The following PCDHA5 variants were observed in gnomAD, a reference collection of about 807,000 sequenced individuals.
PCDHA5 encodes protocadherin alpha-5.
Under a neutral mutation model 61.6 loss-of-function variants are expected in PCDHA5, and 43 were observed. That is an observed-to-expected ratio of 0.70 (90% CI 0.55 to 0.90). The LOEUF (loss-of-function observed/expected upper bound fraction) is 0.90. Ranked by LOEUF, PCDHA5 falls within the 40% of genes least tolerant of loss-of-function variation. The pLI, the probability that PCDHA5 is intolerant of heterozygous loss-of-function variation, is 0.00. For missense variants in PCDHA5, 1,298 were observed against 1,222.7 expected, an observed-to-expected ratio of 1.06 and a Z score of -0.92; for synonymous variants, 627 against 543.9, an observed-to-expected ratio of 1.15 and a Z score of -2.13.
chr5:140,881,335 C>T (rs2153378731), intron 1 of PCDHA5: 2 of 984,916 alleles, frequency 2.0e-6, no homozygotes, highest in South Asian at 4.7e-5. Context: ...ACCAGGACGC[C>T]GATTCGGGCT....
At chr5:140,878,575 C>T (rs1339417321) in intron 1 of PCDHA5, among the ~76,000 whole-genome samples, 1 of 152,222 alleles carries the variant, frequency 6.6e-6, no homozygotes, top group African/African-American at 2.4e-5. Context: ...TAGTATACCA[C>T]TGCCCTGTGC....
intron 1 of PCDHA5, chr5:140,870,674 A>G (rs893862947): frequency 7.4e-6 from 12 of 1,612,566 alleles, no homozygotes; most frequent in Admixed American, 6.7e-5. Flanking sequence ...CCGTTGGACC[A>G]CGAGGAGCTG....
intron 1 of PCDHA5, among the ~76,000 whole-genome samples, chr5:140,888,097 G>T (rs536916138): frequency 3.3e-4 from 50 of 152,066 alleles, no homozygotes; most frequent in African/African-American, 1.2e-3. Context: ...TCCTTAGTTT[G>T]CTTCTTTTAA....
intron 1 of PCDHA5, among the ~76,000 whole-genome samples, chr5:140,915,973 T>G (rs1472373994): frequency 3.9e-5 from 6 of 152,150 alleles, no homozygotes; most frequent in African/African-American, 1.4e-4. Context: ...TGATATTTTA[T>G]TTGACTACGG....
rs186780543 is a variant in PCDHA5, at chr5:140,848,623, C to T, written c.2352+24496C>T. On this transcript the variant is annotated intron_variant, in intron 1 of 3. Transcript: ENST00000529859. The stretch of plus-strand genomic sequence containing the variant: ...GTCCCGGAGGAAGCCGAACACGGCA[C>T]CTTCGTGGGCCGCATCGCGCAGGAC... The T allele has an allele frequency of 1.0e-5, 16 of 1,592,746 alleles. 2 individuals carry two copies. The Admixed American group carries it at 1.5e-4, about 15-fold the overall frequency.
intron 1 of PCDHA5, among the ~76,000 whole-genome samples, chr5:140,922,848 C>A (rs1345344826): frequency 6.6e-6 from 1 of 151,962 alleles, no homozygotes; most frequent in Non-Finnish European, 1.5e-5. Context: ...TCAAAGAGAC[C>A]AAATACATAG....
chr5:140,980,628 CAGA>C (rs1554242055), intron 2 of PCDHA5, among the ~76,000 whole-genome samples: 1 of 150,868 alleles, frequency 6.6e-6, no homozygotes, highest in Non-Finnish European at 1.5e-5. Flanking sequence ...GACTCTGTCT[CAGA>C]AGAATAAATA....
At chr5:140,842,920 C>A (rs2150347865) in intron 1 of PCDHA5, 1 of 1,594,422 alleles carries the variant, frequency 6.3e-7, no homozygotes, top group Admixed American at 1.7e-5. Flanking sequence ...TGCTGCAGTT[C>A]CAGGTGAGCG....
chr5:140,829,557 T>C lies in PCDHA5; in HGVS notation c.2352+5430T>C, dbSNP rs138069346. On this transcript the variant is annotated intron_variant, in intron 1 of 3. Coordinates refer to ENST00000529859, the MANE Select transcript of PCDHA5 (RefSeq NM_018908.3). ...GACGCGGACGCGCAGGAGAACGCGC[T>C]GGTGTCCTACTCGCTGGTGGAGCGG... 4.3e-5 allele frequency: 70 copies of C among 1,612,672 alleles called. No homozygotes were observed. The highest frequency in any genetic ancestry group is 1.3e-4 in the Admixed American group (8 of 59,988).
intron 1 of PCDHA5, among the ~76,000 whole-genome samples, chr5:140,898,095 T>C (rs1196262591): frequency 7.9e-5 from 12 of 152,170 alleles, no homozygotes; most frequent in Non-Finnish European, 1.6e-4. Flanking sequence ...ATTAGCCCTT[T>C]GTCAGATGAG....
rs145195613 is a variant in PCDHA5, at chr5:140,845,173, T to C, written c.2352+21046T>C. Among the ~76,000 whole-genome samples, 10 of 149,788 alleles carry C rather than the reference T, an allele frequency of 6.7e-5. No individual in the cohort carries two copies. The East Asian group carries it at 1.7e-3, about 26-fold the overall frequency. On this transcript the variant is annotated intron_variant, in intron 1 of 3. Transcript: ENST00000529859. ...GTGTAAAAGCGAATTGTTTTCATTTTAGTCCTTTAAAAAATATGATTGTTT... is the reference window on the plus strand; with the variant it reads ...GTGTAAAAGCGAATTGTTTTCATTTCAGTCCTTTAAAAAATATGATTGTTT...
At chr5:140,961,479 C>G (rs2095615905) in intron 1 of PCDHA5, among the ~76,000 whole-genome samples, 1 of 152,108 alleles carries the variant, frequency 6.6e-6, no homozygotes, top group Non-Finnish European at 1.5e-5. Context: ...TTTGTCTTGT[C>G]CACGTGAGTA....
intron 1 of PCDHA5, among the ~76,000 whole-genome samples, chr5:140,920,983 T>C (rs1472212249): frequency 6.6e-6 from 1 of 152,106 alleles, no homozygotes; most frequent in Non-Finnish European, 1.5e-5. Context: ...AATATTGTAT[T>C]TGCTTATTTT....
intron 1 of PCDHA5, among the ~76,000 whole-genome samples, chr5:140,888,358 C>T (rs2061801167): frequency 6.6e-6 from 1 of 152,178 alleles, no homozygotes; most frequent in Non-Finnish European, 1.5e-5. Flanking sequence ...TTGCTACTGG[C>T]ATCTAATAAT....
At position 140,857,034 on chromosome 5, in the gene PCDHA5, T is replaced by C. The variant is rs374158544; in HGVS notation, c.2352+32907T>C. On this transcript the variant is annotated intron_variant, in intron 1 of 3. Transcript: ENST00000529859. Reference sequence around the variant, plus strand: ...GTTACAGATAAGGGAAACCCACCTATGGTTGGTCACTGCACGGTCCTAGTG... The same window carrying C: ...GTTACAGATAAGGGAAACCCACCTACGGTTGGTCACTGCACGGTCCTAGTG... The C allele has an allele frequency of 5.6e-6, 9 of 1,595,714 alleles. No homozygotes were observed. The African/African-American group carries it at 8.1e-5, about 14-fold the overall frequency.
chr5:140,871,935 T>A (rs373740331), intron 1 of PCDHA5, among the ~76,000 whole-genome samples: 2 of 152,262 alleles, frequency 1.3e-5, no homozygotes, highest in Non-Finnish European at 2.9e-5. Flanking sequence ...TTAGATCAAC[T>A]GGCTTTGTTT....
chr5:140,848,667 G>A lies in PCDHA5; in HGVS notation c.2352+24540G>A, dbSNP rs1173870910. On this transcript the variant is annotated intron_variant, in intron 1 of 3. Coordinates refer to ENST00000529859, the MANE Select transcript of PCDHA5 (RefSeq NM_018908.3). ...GCAGGACCTGGGGCTGGAGCTGGCG[G>A]AGCTGGTGCCGCGCCTGTTCCAGTT... The A allele has an allele frequency of 1.0e-5, 16 of 1,592,228 alleles. No individual in the cohort carries two copies. Among genetic ancestry groups the A allele is most frequent in the Non-Finnish European group, 1.3e-5 (15 of 1,163,428 alleles).
chr5:140,967,453 C>A (rs782630345), intron 1 of PCDHA5: 1 of 1,613,556 alleles, frequency 6.2e-7, no homozygotes, highest in Non-Finnish European at 8.5e-7. Context: ...TTCTCACAGC[C>A]GTGGATGGGG....
intron 1 of PCDHA5, among the ~76,000 whole-genome samples, chr5:140,832,430 A>G (rs1250957305): frequency 6.6e-6 from 1 of 152,222 alleles, no homozygotes; most frequent in Non-Finnish European, 1.5e-5. Context: ...AGTACATGAT[A>G]ATTTTTAAGC....
Sources: allele counts gnomAD v4.1 joint callset (sites outside exome capture counted in the v4.1 genomes callset), GRCh38; gene constraint gnomAD v4.1.1; transcripts MANE v1.5; gene names NCBI Gene and HGNC (gene_info 2026-07-23, HGNC 2026-07-21).